Variants in BABAM2 observed in about 807,000 individuals in gnomAD.
The protein encoded by BABAM2 is BRISC and BRCA1 A complex member 2, also known as BRISC and BRCA1-A complex member 2.
A neutral mutation model predicts 54.7 loss-of-function variants in BABAM2; 31 were observed. The observed-to-expected ratio is 0.57, with a 90% CI of 0.43 to 0.77. The LOEUF is 0.77. BABAM2 is among the 30% of genes least tolerant of loss of function. BABAM2 has a pLI of 0.00. For synonymous variants in BABAM2, 167 were observed against 162.9 expected, an observed-to-expected ratio of 1.03 and a Z score of -0.19; for missense variants, 364 against 455.8, an observed-to-expected ratio of 0.80 and a Z score of 1.83.
chr2:28,288,164 G>C (rs1419042977), intron 10 of BABAM2, among the ~76,000 whole-genome samples: 1 of 152,088 alleles, frequency 6.6e-6, no homozygotes, highest in Admixed American at 6.5e-5. Flanking sequence ...ACCCAGAAAA[G>C]CAAGGGGCGC....
intron 3 of BABAM2, among the ~76,000 whole-genome samples, chr2:27,958,465 T>TTA (rs10559599): frequency 8.0e-5 from 12 of 149,344 alleles, no homozygotes; most frequent in East Asian, 2.0e-4. Context: ...TTTATATATT[T>TTA]TATATATATA....
intron 11 of BABAM2, among the ~76,000 whole-genome samples, chr2:28,323,961 G>C (rs1206990711): frequency 6.6e-6 from 1 of 152,188 alleles, no homozygotes; most frequent in Non-Finnish European, 1.5e-5. Flanking sequence ...GGAGGTCAAG[G>C]TCATCCCTTT....
chr2:28,069,321 A>G (rs1663908206), intron 6 of BABAM2, among the ~76,000 whole-genome samples: 1 of 152,216 alleles, frequency 6.6e-6, no homozygotes, highest in African/African-American at 2.4e-5. Context: ...CTTTCATTCA[A>G]TAAATATTTG....
intron 3 of BABAM2, among the ~76,000 whole-genome samples, chr2:27,966,479 G>A (rs779077782): frequency 1.3e-4 from 20 of 152,042 alleles, no homozygotes; most frequent in Non-Finnish European, 1.9e-4. Flanking sequence ...AAATTCATTC[G>A]TCTTTGACCA....
intron 3 of BABAM2, among the ~76,000 whole-genome samples, chr2:27,985,729 A>G (rs865906244): frequency 6.6e-6 from 1 of 152,116 alleles, no homozygotes; most frequent in African/African-American, 2.4e-5. Context: ...ACCGCTGTGT[A>G]TTTGTGGCTC....
intron 11 of BABAM2, among the ~76,000 whole-genome samples, chr2:28,335,114 G>T: frequency 6.9e-6 from 1 of 144,310 alleles, no homozygotes; most frequent in Non-Finnish European, 1.5e-5. Flanking sequence ...CCTAAATATT[G>T]TACCTGTTCT....
chr2:28,104,930 A>G (rs1667377772), intron 6 of BABAM2, among the ~76,000 whole-genome samples: 2 of 152,154 alleles, frequency 1.3e-5, no homozygotes, highest in Admixed American at 1.3e-4. Context: ...TCAGCAAACT[A>G]TCACAAGGAC....
chr2:28,189,968 A>T (rs557590193), intron 7 of BABAM2, among the ~76,000 whole-genome samples: 1 of 152,212 alleles, frequency 6.6e-6, no homozygotes, highest in Non-Finnish European at 1.5e-5. Flanking sequence ...GAATTTGATA[A>T]TGAGTCCAGA....
chr2:28,231,785 CTTTTTTTTTTTTTTTT>C (rs549515372), intron 7 of BABAM2, among the ~76,000 whole-genome samples: 21 of 57,680 alleles, frequency 3.6e-4, no homozygotes, highest in Non-Finnish European at 5.5e-4. Flanking sequence ...AGAGAGATGT[CTTTTTTTTTTTTTTTT>C]TTTTTTTTTT....
At chr2:28,079,358 C>A (rs1664964717) in intron 6 of BABAM2, among the ~76,000 whole-genome samples, 1 of 152,072 alleles carries the variant, frequency 6.6e-6, no homozygotes, top group Non-Finnish European at 1.5e-5. Flanking sequence ...GGGAAAAAAA[C>A]CAAACTCTTG....
In BABAM2 at chr2:28,131,073, A is replaced by ATTT. The variant is rs1259022923; in HGVS notation, c.680+1695_680+1696insTTT. Among the ~76,000 whole-genome samples, 20 of 7,320 alleles carry ATTT rather than the reference A, an allele frequency of 2.7e-3. 3 individuals carry two copies. Among genetic ancestry groups the ATTT allele is most frequent in the Admixed American group, 3.7e-3 (2 of 540 alleles). 4.8% of individuals were successfully genotyped at this position (7,320 alleles called of 152,430 possible). A position where few individuals can be genotyped will look rare whatever the true frequency, so the allele number is the denominator to read the frequency against. On this transcript the variant is annotated intron_variant, in intron 7 of 11. Transcript: ENST00000379624. ...GTGTTTTATTATTATTATTATTATT[A>ATTT]TTATTATTTTTTTTTTTTTTTTTTT...
At chr2:28,333,589 G>A (rs1400268416) in intron 11 of BABAM2, among the ~76,000 whole-genome samples, 1 of 152,208 alleles carries the variant, frequency 6.6e-6, no homozygotes, top group South Asian at 2.1e-4. Context: ...AGACTCCTGG[G>A]TTGGACCGAG....
chr2:28,204,412 T>C (rs1024833516), intron 7 of BABAM2, among the ~76,000 whole-genome samples: 5 of 152,142 alleles, frequency 3.3e-5, no homozygotes, highest in Non-Finnish European at 5.9e-5. Context: ...TGTTGCAGAG[T>C]GAATTTTCTG....
intron 7 of BABAM2, among the ~76,000 whole-genome samples, chr2:28,230,512 C>T (rs1221734105): frequency 3.3e-5 from 5 of 150,372 alleles, no homozygotes; most frequent in African/African-American, 1.2e-4. Context: ...CCTAGGAGTT[C>T]GAGACCAGCC....
chr2:28,197,511 T>C (rs1677733246), intron 7 of BABAM2, among the ~76,000 whole-genome samples: 1 of 152,156 alleles, frequency 6.6e-6, no homozygotes, highest in East Asian at 1.9e-4. Context: ...ACATTTCCTC[T>C]TTACAATGAT....
chr2:27,922,087 A>G (rs1312731656), intron 2 of BABAM2, among the ~76,000 whole-genome samples: 4 of 152,178 alleles, frequency 2.6e-5, no homozygotes, highest in African/African-American at 4.8e-5. Context: ...GGAGACTAAG[A>G]TATGGTTAGC....
intron 11 of BABAM2, among the ~76,000 whole-genome samples, chr2:28,331,672 T>C (rs1293197520): frequency 6.6e-6 from 1 of 152,182 alleles, no homozygotes; most frequent in Non-Finnish European, 1.5e-5. Context: ...AAACAATAGA[T>C]GCCAGCAAGG....
In BABAM2 at chr2:28,202,229, C is replaced by T. The variant is rs956366788; in HGVS notation, c.681-34973C>T. Among the ~76,000 whole-genome samples, 133 of 152,236 alleles carry T rather than the reference C, an allele frequency of 8.7e-4. 1 individual carries two copies. Among genetic ancestry groups the T allele is most frequent in the Non-Finnish European group, 1.6e-3 (111 of 68,012 alleles). Reference sequence around the variant, plus strand: ...AAGCACTACTTAATGGAATAAAATTCGTGACCGGGGTACTGACTGTGTTCC... The same window carrying T: ...AAGCACTACTTAATGGAATAAAATTTGTGACCGGGGTACTGACTGTGTTCC... On this transcript the variant is annotated intron_variant, in intron 7 of 11. Coordinates refer to ENST00000379624, the MANE Select transcript of BABAM2 (RefSeq NM_199191.3).
chr2:28,087,384 A>T (rs1665748125), intron 6 of BABAM2, among the ~76,000 whole-genome samples: 1 of 152,172 alleles, frequency 6.6e-6, no homozygotes, highest in Admixed American at 6.5e-5. Context: ...TGAAATGTGG[A>T]TAGAGACAGG....
Sources: allele counts gnomAD v4.1 joint callset (sites outside exome capture counted in the v4.1 genomes callset), GRCh38; gene constraint gnomAD v4.1.1; transcripts MANE v1.5; gene names NCBI Gene and HGNC (gene_info 2026-07-23, HGNC 2026-07-21).